The following DOK6 variants were observed in gnomAD, a reference collection of about 807,000 sequenced individuals.
DOK6 encodes downstream of tyrosine kinase 6.
In DOK6, 22 loss-of-function variants were observed where a neutral mutation model predicts 44.0. That is an observed-to-expected ratio of 0.50 (90% CI 0.36 to 0.71). DOK6 has a LOEUF of 0.71. Ranked by LOEUF, DOK6 falls within the 30% of genes least tolerant of loss-of-function variation. DOK6 has a pLI of 0.00. For synonymous variants in DOK6, 166 were observed against 145.5 expected, an observed-to-expected ratio of 1.14 and a Z score of -1.01; for missense variants, 340 against 416.4, an observed-to-expected ratio of 0.82 and a Z score of 1.60.
chr18:69,803,824 A>G (rs1472222186), intron 7 of DOK6, among the ~76,000 whole-genome samples: 1 of 152,118 alleles, frequency 6.6e-6, no homozygotes, highest in Non-Finnish European at 1.5e-5. Context: ...ACACCACTGC[A>G]CTCCAGCCTG....
chr18:69,787,626 C>T lies in DOK6; in HGVS notation c.856+29753C>T, dbSNP rs116467811. On this transcript the variant is annotated intron_variant, in intron 7 of 7. Transcript: ENST00000382713. Reference sequence around the variant, plus strand: ...TTACAACCAAAAGGGAAAGCCAGCTCATTCCTAGATATTCCATTATGACCA... The same window carrying T: ...TTACAACCAAAAGGGAAAGCCAGCTTATTCCTAGATATTCCATTATGACCA... Among the ~76,000 whole-genome samples, 842 of 152,256 alleles carry T rather than the reference C, an allele frequency of 5.5e-3. 9 individuals are homozygous for T. The highest frequency in any genetic ancestry group is 0.019 in the African/African-American group (770 of 41,546).
chr18:69,433,976 C>T (rs1978878259), intron 1 of DOK6, among the ~76,000 whole-genome samples: 1 of 152,206 alleles, frequency 6.6e-6, no homozygotes, highest in African/African-American at 2.4e-5. Context: ...ATAGCCTCAA[C>T]TACAGCAAAA....
In DOK6 at chr18:69,673,232, A is replaced by G. The variant is rs200999853; in HGVS notation, c.290-4502A>G. On this transcript the variant is annotated intron_variant, in intron 3 of 7. Coordinates refer to ENST00000382713, the MANE Select transcript of DOK6 (RefSeq NM_152721.6). ...GGCTGATAGCATATTTTCTGTGTGT[A>G]TATATATATATATGATGAAAACTTT... 2.7e-5 allele frequency among the ~76,000 whole-genome samples: 4 copies of G among 145,724 alleles called. No homozygotes were observed. The East Asian group carries it at 5.9e-4, about 21-fold the overall frequency.
At chr18:69,544,980 G>T (rs1365375024) in intron 1 of DOK6, among the ~76,000 whole-genome samples, 3 of 151,096 alleles carry the variant, frequency 2.0e-5, no homozygotes, top group Non-Finnish European at 4.4e-5. Context: ...AATTAGCTGG[G>T]TGTAGTGGTG....
chr18:69,775,337 C>G (rs1054000865), intron 7 of DOK6, among the ~76,000 whole-genome samples: 1 of 151,614 alleles, frequency 6.6e-6, no homozygotes, highest in Non-Finnish European at 1.5e-5. Context: ...TTAAACGTGA[C>G]CAAACCTAAT....
intron 3 of DOK6, among the ~76,000 whole-genome samples, chr18:69,624,488 G>C (rs1472427932): frequency 1.3e-5 from 2 of 152,034 alleles, no homozygotes; most frequent in South Asian, 2.1e-4. Context: ...AATAATTGTA[G>C]TCTCACTGCT....
chr18:69,615,841 GA>G (rs369134632), intron 3 of DOK6, among the ~76,000 whole-genome samples: 1 of 151,746 alleles, frequency 6.6e-6, no homozygotes, highest in Non-Finnish European at 1.5e-5. Flanking sequence ...CAGAGAAATT[GA>G]TGTGTTCAGT....
intron 7 of DOK6, among the ~76,000 whole-genome samples, chr18:69,836,887 C>G (rs545415803): frequency 1.3e-5 from 2 of 152,006 alleles, no homozygotes; most frequent in Non-Finnish European, 2.9e-5. Flanking sequence ...CTTTTTTATT[C>G]TCATACTCAT....
intron 2 of DOK6, among the ~76,000 whole-genome samples, chr18:69,566,656 T>C (rs1432026510): frequency 6.6e-6 from 1 of 152,202 alleles, no homozygotes; most frequent in Non-Finnish European, 1.5e-5. Context: ...TGAGACACAG[T>C]CTTGCCCCGA....
At chr18:69,565,583 T>C (rs948348642) in intron 2 of DOK6, among the ~76,000 whole-genome samples, 2 of 151,818 alleles carry the variant, frequency 1.3e-5, no homozygotes, top group Non-Finnish European at 2.9e-5. Context: ...TCTTGCTATG[T>C]TGCTGGTCTC....
At chr18:69,493,537 C>T (rs1358972171) in intron 1 of DOK6, among the ~76,000 whole-genome samples, 7 of 152,192 alleles carry the variant, frequency 4.6e-5, no homozygotes, top group Non-Finnish European at 8.8e-5. Flanking sequence ...GATATTAATA[C>T]ATGCTAAAAT....
chr18:69,428,545 C>A (rs1479561863), intron 1 of DOK6, among the ~76,000 whole-genome samples: 1 of 151,894 alleles, frequency 6.6e-6, no homozygotes, highest in Admixed American at 6.6e-5. Context: ...AGGATTAATT[C>A]TTAATCCTTA....
intron 1 of DOK6, among the ~76,000 whole-genome samples, chr18:69,414,727 G>A (rs1219629669): frequency 6.6e-6 from 1 of 151,946 alleles, no homozygotes; most frequent in Non-Finnish European, 1.5e-5. Context: ...GTTACTATGG[G>A]GAAAATTGGA....
At chr18:69,462,024 A>G (rs1201840058) in intron 1 of DOK6, among the ~76,000 whole-genome samples, 4 of 152,200 alleles carry the variant, frequency 2.6e-5, no homozygotes. Context: ...AAAGGAAGAC[A>G]AATTCCCTTG....
rs1982208294 is a variant in DOK6 at position 69,841,241 on chromosome 18, T to C, written c.857-3T>C. On this transcript the variant is annotated splice_polypyrimidine_tract_variant and splice_region_variant and intron_variant, in intron 7 of 7. Transcript: ENST00000382713. ...AGTAGAGCTCTCCTTTCTTCCTCTC[T>C]AGGTCATGGGTTTGGTTCGTCAAAG... The C allele has an allele frequency of 2.5e-6, 4 of 1,614,228 alleles. No homozygotes were observed. The highest frequency in any genetic ancestry group is 3.4e-6 in the Non-Finnish European group (4 of 1,180,032).
At chr18:69,606,481 A>C (rs1462926539) in intron 3 of DOK6, among the ~76,000 whole-genome samples, 34 of 152,044 alleles carry the variant, frequency 2.2e-4, no homozygotes, top group Admixed American at 2.2e-3. Flanking sequence ...CTTTTTCTTA[A>C]AGATGTGGTA....
At chr18:69,423,292 A>G (rs983328298) in intron 1 of DOK6, among the ~76,000 whole-genome samples, 3 of 103,246 alleles carry the variant, frequency 2.9e-5, no homozygotes, top group Non-Finnish European at 5.8e-5. Flanking sequence ...ACAGAGTGAG[A>G]TCCTGTCTCA....
At chr18:69,794,063 CT>C (rs1980674955) in intron 7 of DOK6, among the ~76,000 whole-genome samples, 1 of 152,134 alleles carries the variant, frequency 6.6e-6, no homozygotes, top group Admixed American at 6.6e-5. Context: ...AAACGACAGA[CT>C]GCTCTCCCAA....
chr18:69,633,017 T>C (rs185295132), intron 3 of DOK6, among the ~76,000 whole-genome samples: 9 of 152,332 alleles, frequency 5.9e-5, no homozygotes, highest in Admixed American at 3.9e-4. Context: ...TCATAGATTC[T>C]CCATGTCTGG....
Sources: allele counts gnomAD v4.1 joint callset (sites outside exome capture counted in the v4.1 genomes callset), GRCh38; gene constraint gnomAD v4.1.1; transcripts MANE v1.5; gene names NCBI Gene and HGNC (gene_info 2026-07-23, HGNC 2026-07-21).